PCDH15: variants seen among roughly 807,000 people sequenced by gnomAD.
PCDH15 encodes the protein protocadherin-15.
PCDH15 carries 129 observed loss-of-function variants against 178.5 expected under a neutral mutation model. That is an observed-to-expected ratio of 0.72 (90% CI 0.63 to 0.84). PCDH15 has a LOEUF of 0.84. Among genes scored for constraint, PCDH15 ranks in the 40% least tolerant of loss-of-function variants. The pLI, the probability that PCDH15 is intolerant of heterozygous loss-of-function variation, is 0.00. For synonymous variants in PCDH15, 800 were observed against 732.0 expected, an observed-to-expected ratio of 1.09 and a Z score of -1.50; for missense variants, 2,230 against 2,099.9, an observed-to-expected ratio of 1.06 and a Z score of -1.21.
intron 2 of PCDH15, among the ~76,000 whole-genome samples, chr10:55,022,669 T>C (rs1288470191): frequency 6.6e-6 from 1 of 151,520 alleles, no homozygotes; most frequent in East Asian, 1.9e-4. Context: ...TTGTAAGATA[T>C]TTATTTTATT....
At chr10:54,220,077 G>A (rs1003137047) in intron 9 of PCDH15, among the ~76,000 whole-genome samples, 3 of 152,072 alleles carry the variant, frequency 2.0e-5, no homozygotes, top group Non-Finnish European at 4.4e-5. Flanking sequence ...GCTTTGGTTT[G>A]CTTTTACCCT....
chr10:54,239,130 A>G (rs1456455525), intron 8 of PCDH15, among the ~76,000 whole-genome samples: 2 of 152,168 alleles, frequency 1.3e-5, no homozygotes, highest in Non-Finnish European at 2.9e-5. Context: ...GTAAAATGTA[A>G]GCAAATCACA....
chr10:55,359,746 A>ATATT (rs1446999173), intron 2 of PCDH15, among the ~76,000 whole-genome samples: 1 of 80,446 alleles, frequency 1.2e-5, no homozygotes, highest in East Asian at 2.5e-4. Context: ...ATATATATAT[A>ATATT]TACACACACA....
At chr10:54,309,351 AC>A (rs2060756279) in intron 8 of PCDH15, among the ~76,000 whole-genome samples, 1 of 150,036 alleles carries the variant, frequency 6.7e-6, no homozygotes, top group South Asian at 2.1e-4. Context: ...ACACACACAC[AC>A]ACACTTCACA....
In PCDH15 at chr10:54,378,674, G is replaced by A. The variant is rs567083117; in HGVS notation, c.318+108C>T. The A allele has an allele frequency of 9.0e-4, 1,148 of 1,282,670 alleles. 3 individuals are homozygous for A. The highest frequency in any genetic ancestry group is 2.7e-3 in the South Asian group (214 of 78,290). The allele number at this position is 1,282,670 out of a possible 1,614,324, so 79.5% of individuals were successfully genotyped here. A position where few individuals can be genotyped will look rare whatever the true frequency, so the allele number is the denominator to read the frequency against. On this transcript the variant is annotated intron_variant, in intron 4 of 37. Transcript: ENST00000644397. The stretch of plus-strand genomic sequence containing the variant: ...AAGAAACTGTTGTTGCTATACTCAG[G>A]AAATAAACTCAAATTATGTAAATAA...
At chr10:54,788,103 T>C (rs1002423149) in intron 1 of PCDH15, among the ~76,000 whole-genome samples, 4 of 151,582 alleles carry the variant, frequency 2.6e-5, no homozygotes, top group African/African-American at 7.3e-5. Flanking sequence ...TTCAGGAACA[T>C]ATGGGAGGAA....
Position 54,555,575 on chromosome 10 carries a change from C to CAAAA in PCDH15, c.92-27702_92-27699dup, listed in dbSNP as rs35998779. ...TGAAACCCCCTCTCTACTAAAAATA[C>CAAAA]AAAAAAAAAAAATTGGCCGGGTGTG... On this transcript the variant is annotated intron_variant, in intron 2 of 37. Coordinates refer to ENST00000644397, the MANE Select transcript of PCDH15 (RefSeq NM_001384140.1). 2.8e-5 allele frequency among the ~76,000 whole-genome samples: 4 copies of CAAAA among 143,896 alleles called. No homozygotes were observed. The East Asian group carries it at 8.3e-4, about 30-fold the overall frequency. The allele number at this position is 143,896 out of a possible 152,430, so 94.4% of individuals were successfully genotyped here.
chr10:54,071,848 T>C (rs2094249161), intron 17 of PCDH15, among the ~76,000 whole-genome samples: 1 of 152,144 alleles, frequency 6.6e-6, no homozygotes, highest in Non-Finnish European at 1.5e-5. Context: ...CAATTTCTTT[T>C]CTATAGTCAA....
chr10:55,235,906 C>T (rs1433659638), intron 1 of PCDH15, among the ~76,000 whole-genome samples: 1 of 115,636 alleles, frequency 8.6e-6, no homozygotes, highest in Non-Finnish European at 1.8e-5. Flanking sequence ...GACTCCATGT[C>T]AAAAAAAAAA....
intron 2 of PCDH15, among the ~76,000 whole-genome samples, chr10:55,156,908 T>C (rs561630279): frequency 5.3e-5 from 8 of 152,250 alleles, no homozygotes; most frequent in Admixed American, 3.3e-4. Flanking sequence ...GGGAAGACTG[T>C]CTTAAAATGA....
chr10:55,510,901 T>C lies in PCDH15; in HGVS notation c.-156+116724A>G, dbSNP rs1409982558. 5.3e-5 allele frequency among the ~76,000 whole-genome samples: 8 copies of C among 150,948 alleles called. No individual in the cohort carries two copies. The Admixed American group carries it at 5.3e-4, about 10-fold the overall frequency. On this transcript the variant is annotated intron_variant, in intron 2 of 5. Coordinates refer to the PCDH15 transcript ENST00000613346. ...ACTTGAGATAGGATCTTACTCTTTCTACAGGCTGGAGTGCAGTGGAGTGAT... is the reference window on the plus strand; with the variant it reads ...ACTTGAGATAGGATCTTACTCTTTCCACAGGCTGGAGTGCAGTGGAGTGAT...
chr10:54,500,859 C>A (rs2080608918), intron 3 of PCDH15, among the ~76,000 whole-genome samples: 1 of 151,960 alleles, frequency 6.6e-6, no homozygotes, highest in African/African-American at 2.4e-5. Context: ...CAATGATAGA[C>A]TGGATAAAGA....
At chr10:54,915,932 G>T (rs369332026) in intron 2 of PCDH15, among the ~76,000 whole-genome samples, 1 of 152,026 alleles carries the variant, frequency 6.6e-6, no homozygotes, top group African/African-American at 2.4e-5. Context: ...GGGTTCAAGC[G>T]ATTCTCCTGC....
chr10:54,732,239 CG>C (rs1309653929), intron 1 of PCDH15, among the ~76,000 whole-genome samples: 2 of 151,132 alleles, frequency 1.3e-5, no homozygotes, highest in African/African-American at 2.4e-5. Context: ...GCTAAATGAT[CG>C]GGGGCATATC....
In PCDH15 at chr10:54,023,078, T is replaced by A; in HGVS notation, c.2340A>T (p.Glu780Asp). ...SIYTAVKLNR[E>D]VRDYYELVVV... ...CAACAAGTTCATAGTAGTCCCTGAC[T>A]TCTCTGTTAAGCTTCACTGCTGTGT... Residue 780 changes from glutamate (E) to aspartate (D), a missense_variant, in exon 19 of 38, where the codon GAA (glutamate) becomes GAT (aspartate). Coordinates refer to ENST00000644397, the MANE Select transcript of PCDH15 (RefSeq NM_001384140.1). The A allele has an allele frequency of 6.2e-7, 1 of 1,614,006 alleles. No homozygotes were observed. Among genetic ancestry groups the A allele is most frequent in the Non-Finnish European group, 8.5e-7 (1 of 1,179,924 alleles).
At chr10:54,836,392 C>T (rs1212299880) in intron 3 of PCDH15, among the ~76,000 whole-genome samples, 7 of 152,146 alleles carry the variant, frequency 4.6e-5, no homozygotes, top group African/African-American at 1.4e-4. Context: ...TACACACCCA[C>T]ACCCACACTC....
chr10:54,857,779 A>G (rs1953766403), intron 3 of PCDH15, among the ~76,000 whole-genome samples: 1 of 152,124 alleles, frequency 6.6e-6, no homozygotes, highest in Non-Finnish European at 1.5e-5. Flanking sequence ...GAATTTCAAC[A>G]ATAATTATTT....
At chr10:54,624,979 T>C (rs750254920) in intron 2 of PCDH15, among the ~76,000 whole-genome samples, 12 of 152,162 alleles carry the variant, frequency 7.9e-5, no homozygotes, top group Non-Finnish European at 1.3e-4. Flanking sequence ...AAGTACACAA[T>C]ACACGTAATG....
chr10:55,223,749 A>G (rs898331010), intron 1 of PCDH15, among the ~76,000 whole-genome samples: 6 of 152,174 alleles, frequency 3.9e-5, no homozygotes, highest in Admixed American at 2.6e-4. Context: ...TATTGTAAAA[A>G]TAAGTAAGCA....
Sources: allele counts gnomAD v4.1 joint callset (sites outside exome capture counted in the v4.1 genomes callset), GRCh38; gene constraint gnomAD v4.1.1; transcripts MANE v1.5; gene names NCBI Gene and HGNC (gene_info 2026-07-23, HGNC 2026-07-21).